Variants in MYO1D observed in about 807,000 individuals in gnomAD.
The protein encoded by MYO1D is unconventional myosin-Id.
A neutral mutation model predicts 122.0 loss-of-function variants in MYO1D; 83 were observed. The observed-to-expected ratio is 0.68, with a 90% CI of 0.57 to 0.82. The LOEUF (loss-of-function observed/expected upper bound fraction) is 0.82. MYO1D is among the 40% of genes least tolerant of loss of function. The probability of loss-of-function intolerance (pLI) is 0.00; values close to 1 mark genes in which losing one functional copy is unlikely to be tolerated. For synonymous variants in MYO1D, 464 were observed against 446.9 expected (o/e 1.04, Z -0.48); for missense variants, 1,157 against 1,269.5 (o/e 0.91, Z 1.35).
At position 32,687,580 on chromosome 17, in the gene MYO1D, C is replaced by T. The variant is rs149547112; in HGVS notation, c.2121+24408G>A. On this transcript the variant is annotated intron_variant, in intron 16 of 21. Coordinates refer to ENST00000318217, the MANE Select transcript of MYO1D (RefSeq NM_015194.3). ...CTGGTCTTGAATTCCTGGGCTCAAG[C>T]AATCTTCCTGCTTCAGTCTCCCAAA... 1.0e-3 allele frequency among the ~76,000 whole-genome samples: 152 copies of T among 152,002 alleles called. 1 individual carries two copies. The highest frequency in any genetic ancestry group is 3.5e-3 in the African/African-American group (146 of 41,466).
chr17:32,846,164 C>G (rs186269947), intron 1 of MYO1D, among the ~76,000 whole-genome samples: 10 of 152,324 alleles, frequency 6.6e-5, no homozygotes, highest in Non-Finnish European at 1.5e-4. Context: ...AGTTCAGGAA[C>G]AGGCCTGCAA....
chr17:32,841,706 G>C (rs2090883887), intron 1 of MYO1D, among the ~76,000 whole-genome samples: 1 of 152,130 alleles, frequency 6.6e-6, no homozygotes, highest in African/African-American at 2.4e-5. Context: ...GGTGAAAAAA[G>C]ACAGGACTCA....
At chr17:32,873,475 G>A (rs113505661) in intron 1 of MYO1D, among the ~76,000 whole-genome samples, 199 of 152,268 alleles carry the variant, frequency 1.3e-3, no homozygotes, top group African/African-American at 4.5e-3. Context: ...GACCAAACAC[G>A]CTCAATTTCA....
At chr17:32,660,315 C>T (rs1293471286) in intron 16 of MYO1D, among the ~76,000 whole-genome samples, 1 of 152,164 alleles carries the variant, frequency 6.6e-6, no homozygotes, top group Non-Finnish European at 1.5e-5. Context: ...CTCCCTAGTC[C>T]CTGGCCTTTC....
At chr17:32,772,752 G>C (rs1381821507) in intron 5 of MYO1D, 37 bp downstream of exon 5, 1 of 1,509,876 alleles carries the variant, frequency 6.6e-7, no homozygotes, top group African/African-American at 1.4e-5. Flanking sequence ...TGCACAACTG[G>C]GCAAATGATC....
chr17:32,551,628 G>A (rs1029664399), intron 21 of MYO1D, among the ~76,000 whole-genome samples: 1 of 151,910 alleles, frequency 6.6e-6, no homozygotes, highest in South Asian at 2.1e-4. Flanking sequence ...TTCCCTTCGG[G>A]AGTCTCACCT....
intron 21 of MYO1D, among the ~76,000 whole-genome samples, chr17:32,591,381 G>T (rs2087437273): frequency 6.6e-6 from 1 of 152,220 alleles, no homozygotes; most frequent in South Asian, 2.1e-4. Flanking sequence ...CTATCTGGAA[G>T]TGGGCAGGTG....
chr17:32,507,938 C>T (rs910185830), intron 21 of MYO1D, among the ~76,000 whole-genome samples: 1 of 149,986 alleles, frequency 6.7e-6, no homozygotes, highest in Non-Finnish European at 1.5e-5. Flanking sequence ...GCTCTGTCGC[C>T]CAGGCTAGAG....
intron 21 of MYO1D, among the ~76,000 whole-genome samples, chr17:32,531,871 T>G (rs1236354780): frequency 6.6e-6 from 1 of 152,246 alleles, no homozygotes; most frequent in East Asian, 1.9e-4. Context: ...TTCTAGAGTA[T>G]TATGTGTCAC....
intron 1 of MYO1D, among the ~76,000 whole-genome samples, chr17:32,842,058 A>G (rs551562299): frequency 6.6e-6 from 1 of 152,328 alleles, no homozygotes; most frequent in African/African-American, 2.4e-5. Context: ...TCTGTGCAGT[A>G]GTAGTATTTT....
intron 19 of MYO1D, among the ~76,000 whole-genome samples, chr17:32,642,359 T>C (rs572476203): frequency 6.6e-6 from 1 of 152,320 alleles, no homozygotes; most frequent in African/African-American, 2.4e-5. Context: ...TGAAGTCAGG[T>C]AGCGTGACGC....
chr17:32,527,013 C>A (rs1434921553), intron 21 of MYO1D, among the ~76,000 whole-genome samples: 1 of 152,224 alleles, frequency 6.6e-6, no homozygotes, highest in Non-Finnish European at 1.5e-5. Flanking sequence ...CAGATAGGAA[C>A]TAACACCAAG....
intron 21 of MYO1D, among the ~76,000 whole-genome samples, chr17:32,530,312 T>G (rs962227003): frequency 3.9e-5 from 6 of 152,232 alleles, no homozygotes; most frequent in African/African-American, 1.4e-4. Context: ...TGAGATAATG[T>G]ACGTGAAAGC....
intron 1 of MYO1D, among the ~76,000 whole-genome samples, chr17:32,843,021 T>C (rs779216567): frequency 5.3e-5 from 8 of 151,860 alleles, no homozygotes; most frequent in Non-Finnish European, 1.0e-4. Context: ...CCCAAGTAGC[T>C]GGGACTACAG....
At chr17:32,872,293 G>C (rs983940779) in intron 1 of MYO1D, among the ~76,000 whole-genome samples, 1 of 152,036 alleles carries the variant, frequency 6.6e-6, no homozygotes, top group Non-Finnish European at 1.5e-5. Flanking sequence ...TTTATTTTGA[G>C]ACGGAGTCTT....
At position 32,765,783 on chromosome 17, in the gene MYO1D, C is replaced by G. The variant is rs189821330; in HGVS notation, c.832-702G>C. 4.4e-3 allele frequency among the ~76,000 whole-genome samples: 664 copies of G among 152,100 alleles called. 2 individuals carry two copies. Among genetic ancestry groups the G allele is most frequent in the Non-Finnish European group, 6.8e-3 (463 of 67,968 alleles). On this transcript the variant is annotated intron_variant, in intron 7 of 21. Transcript: ENST00000318217. ...TTTTTCCTTAAACTTTTTAATCCAT[C>G]CACAATTGATTTTGGTACATGGTAT...
Position 32,654,574 on chromosome 17 carries a change from G to A in MYO1D, c.2393C>T (p.Pro798Leu). Residue 798 changes from proline to leucine, a missense_variant, in exon 18 of 22, where the codon CCC (proline) becomes CTC (leucine). By Grantham distance (98) the Pro-to-Leu change is moderately conservative. Coordinates refer to ENST00000318217, the MANE Select transcript of MYO1D (RefSeq NM_015194.3). The part of the protein sequence containing the change: ...LIKSIPASDL[P>L]QVRAKVAAVE... ...GGCTGCAACCTTTGCCCTGACCTGG[G>A]GCAGGTCTGAGGCCGGAATGCTCTT... 4 of 1,613,822 alleles carry A rather than the reference G, an allele frequency of 2.5e-6. No individual in the cohort carries two copies. The highest frequency in any genetic ancestry group is 3.4e-6 in the Non-Finnish European group (4 of 1,179,852).
chr17:32,660,942 G>C (rs2088556816), intron 16 of MYO1D, among the ~76,000 whole-genome samples: 1 of 152,076 alleles, frequency 6.6e-6, no homozygotes, highest in South Asian at 2.1e-4. Flanking sequence ...GTTTCCTACT[G>C]TTTGTTGCTT....
At chr17:32,640,397 C>T (rs1438303359) in intron 19 of MYO1D, among the ~76,000 whole-genome samples, 1 of 150,818 alleles carries the variant, frequency 6.6e-6, no homozygotes, top group Non-Finnish European at 1.5e-5. Context: ...CATATGTATA[C>T]ATGTGCCATG....
Sources: gnomAD v4.1 joint callset for allele counts (sites outside exome capture counted in the v4.1 genomes callset) on GRCh38, gnomAD v4.1.1 for gene constraint, MANE v1.5 for transcripts, NCBI Gene and HGNC (gene_info 2026-07-23, HGNC 2026-07-21) for gene names.